G3BP2: variants seen among roughly 807,000 people sequenced by gnomAD.
G3BP2 encodes the protein G3BP stress granule assembly factor 2, also known as ras GTPase-activating protein-binding protein 2.
Under a neutral mutation model 56.7 loss-of-function variants are expected in G3BP2, and 11 were observed. The observed-to-expected ratio is 0.19, with a 90% CI of 0.12 to 0.32. G3BP2 has a LOEUF of 0.32. G3BP2 is among the 10% of genes least tolerant of loss of function. G3BP2 has a pLI of 1.00. For missense variants in G3BP2, 340 were observed against 610.9 expected (o/e 0.56, Z 4.67); for synonymous variants, 165 against 191.6 (o/e 0.86, Z 1.15).
chr4:75,673,631 T>A, upstream of G3BP2: 1 of 1,230,286 alleles, frequency 8.1e-7, no homozygotes, highest in African/African-American at 1.6e-5. Context: ...AAGATAAGAG[T>A]CCGCTGATTT....
At chr4:75,705,119 C>A (rs1180206922) in intron 3 of G3BP2, among the ~76,000 whole-genome samples, 2 of 152,138 alleles carry the variant, frequency 1.3e-5, no homozygotes, top group Non-Finnish European at 2.9e-5. Flanking sequence ...ATATTGGACA[C>A]CCCTGATCTA....
At chr4:75,649,933 C>T (rs1488353767) in intron 8 of G3BP2, among the ~76,000 whole-genome samples, 3 of 151,898 alleles carry the variant, frequency 2.0e-5, no homozygotes, top group South Asian at 4.2e-4. Flanking sequence ...ATCGCTTGAA[C>T]CCGGAAGACG....
intron 8 of G3BP2, among the ~76,000 whole-genome samples, chr4:75,651,921 C>T (rs1000479255): frequency 6.6e-6 from 1 of 152,156 alleles, no homozygotes; most frequent in South Asian, 2.1e-4. Flanking sequence ...AAGTTAATGC[C>T]TACCAATACC....
At chr4:75,691,269 C>T (rs1187165116) in intron 3 of G3BP2, among the ~76,000 whole-genome samples, 1 of 151,888 alleles carries the variant, frequency 6.6e-6, no homozygotes, top group African/African-American at 2.4e-5. Flanking sequence ...TAGTAGAGAC[C>T]GCATTTTGCC....
intron 2 of G3BP2, chr4:75,661,483 T>TTG (rs1553935529): frequency 6.6e-6 from 1 of 151,830 alleles, no homozygotes; most frequent in Non-Finnish European, 1.5e-5. Context: ...AGTTTGTTTT[T>TTG]TTTTTTTTTT....
At chr4:75,709,710 T>C (rs1018312156) in intron 3 of G3BP2, among the ~76,000 whole-genome samples, 1 of 152,046 alleles carries the variant, frequency 6.6e-6, no homozygotes, top group African/African-American at 2.4e-5. Flanking sequence ...GTTTCAGAGA[T>C]GGGGTTAGGG....
intron 3 of G3BP2, among the ~76,000 whole-genome samples, chr4:75,707,388 G>C (rs1719589392): frequency 6.6e-6 from 1 of 151,866 alleles, no homozygotes; most frequent in African/African-American, 2.4e-5. Context: ...TTGGGAGGCC[G>C]AGGTGGGCGG....
rs1204328515 is a variant in G3BP2, at chr4:75,643,286, A to T, written c.*2144T>A. The T allele has an allele frequency of 2.3e-5, 2 of 85,854 alleles. No homozygotes were observed. Among genetic ancestry groups the T allele is most frequent in the African/African-American group, 9.8e-5 (2 of 20,492 alleles). The allele number at this position is 85,854 out of a possible 1,614,324, so 5.3% of individuals were successfully genotyped here. A position where few individuals can be genotyped will look rare whatever the true frequency, so the allele number is the denominator to read the frequency against. On this transcript the variant is annotated 3_prime_UTR_variant, in exon 12 of 12. Coordinates refer to ENST00000359707, the MANE Select transcript of G3BP2 (RefSeq NM_203505.3). ...TCATGGATGGCAGGGCAATATCCTG[A>T]ATTGGAAATTATATATATATATATA...
chr4:75,673,380 G>GGCGCTGCGACGTGCGACAA lies in G3BP2; in HGVS notation c.-216_-198dup. 8.1e-7 allele frequency: 1 copy of GGCGCTGCGACGTGCGACAA among 1,232,096 alleles called. No individual in the cohort carries two copies. Among genetic ancestry groups the GGCGCTGCGACGTGCGACAA allele is most frequent in the Middle Eastern group, 3.1e-4 (1 of 3,210 alleles). The allele number at this position is 1,232,096 out of a possible 1,614,324, so 76.3% of individuals were successfully genotyped here. A position where few individuals can be genotyped will look rare whatever the true frequency, so the allele number is the denominator to read the frequency against. Reference sequence around the variant, plus strand: ...CACAACCACCTCTTCCCGGGCGCCAGGCGCTGCGACGTGCGACAAGGACCA... The same window carrying GGCGCTGCGACGTGCGACAA: ...CACAACCACCTCTTCCCGGGCGCCAGGCGCTGCGACGTGCGACAAGCGCTGCGACGTGCGACAAGGACCA... On this transcript the variant is annotated 5_prime_UTR_variant, in exon 1 of 12. Coordinates refer to ENST00000359707, the MANE Select transcript of G3BP2 (RefSeq NM_203505.3).
intron 9 of G3BP2, 98 bp from the exon 10 acceptor site, chr4:75,647,255 T>G: frequency 3.8e-6 from 3 of 795,646 alleles, no homozygotes; most frequent in Non-Finnish European, 5.8e-6. Context: ...ATATTCCTGT[T>G]TTAGTTTAAT....
At position 75,642,841 on chromosome 4, in the gene G3BP2, A is replaced by C. The variant is rs1730947275; in HGVS notation, c.*2589T>G. Reference sequence around the variant, plus strand: ...TTAGTCCAAACACATTCAATATGGAAACTCAAAGAATACTTTCCACCTGAA... The same window carrying C: ...TTAGTCCAAACACATTCAATATGGACACTCAAAGAATACTTTCCACCTGAA... On this transcript the variant is annotated 3_prime_UTR_variant, in exon 12 of 12. Transcript: ENST00000359707. 1 of 152,592 alleles carries C rather than the reference A, an allele frequency of 6.6e-6. No homozygotes were observed. Among genetic ancestry groups the C allele is most frequent in the South Asian group, 2.1e-4 (1 of 4,832 alleles). The allele number at this position is 152,592 out of a possible 1,614,324, so 9.5% of individuals were successfully genotyped here.
At chr4:75,705,275 T>G (rs1255762268) in intron 3 of G3BP2, among the ~76,000 whole-genome samples, 1 of 152,176 alleles carries the variant, frequency 6.6e-6, no homozygotes, top group Non-Finnish European at 1.5e-5. Flanking sequence ...CAAAACAGAA[T>G]GCCCACAAAA....
At position 75,654,232 on chromosome 4, in the gene G3BP2, A is replaced by G. The variant is rs116764172; in HGVS notation, c.727-151T>C. ...AAAGAAAGGCACACACACACATGCC[A>G]GTCTATGTGCCAGCTTTCAAAATCT... On this transcript the variant is annotated intron_variant, in intron 7 of 11. Transcript: ENST00000359707. The G allele has an allele frequency of 2.0e-3, 1,007 of 510,634 alleles. 14 individuals carry two copies. The highest frequency in any genetic ancestry group is 0.018 in the African/African-American group (927 of 52,276). 31.6% of individuals were successfully genotyped at this position (510,634 alleles called of 1,614,324 possible).
chr4:75,720,969 T>G (rs1219338382), exon 3 of G3BP2, among the ~76,000 whole-genome samples: 1 of 95,198 alleles, frequency 1.1e-5, no homozygotes, highest in Non-Finnish European at 1.9e-5. Context: ...AGACTTCATC[T>G]CTACAAAAAA....
intron 3 of G3BP2, among the ~76,000 whole-genome samples, chr4:75,689,971 T>C (rs1718782867): frequency 6.6e-6 from 1 of 152,230 alleles, no homozygotes; most frequent in South Asian, 2.1e-4. Flanking sequence ...TTTGGTATCC[T>C]GATCTGTGTG....
At chr4:75,679,628 G>A (rs1008453844) in intron 3 of G3BP2, among the ~76,000 whole-genome samples, 1 of 152,184 alleles carries the variant, frequency 6.6e-6, no homozygotes, top group East Asian at 1.9e-4. Context: ...AAGTAGGTGA[G>A]ATTCTACATG....
chr4:75,688,180 T>A (rs1412756156), intron 3 of G3BP2, among the ~76,000 whole-genome samples: 6 of 150,690 alleles, frequency 4.0e-5, no homozygotes, highest in African/African-American at 1.5e-4. Context: ...TTTTTTTTTT[T>A]AATAGAGAAC....
At chr4:75,717,684 T>C (rs1261983333) in intron 3 of G3BP2, among the ~76,000 whole-genome samples, 1 of 152,174 alleles carries the variant, frequency 6.6e-6, no homozygotes, top group Non-Finnish European at 1.5e-5. Context: ...AATGGGACAG[T>C]AAAGACTGCA....
At chr4:75,657,221 AC>A (rs1411158220) in intron 4 of G3BP2, among the ~76,000 whole-genome samples, 1 of 152,240 alleles carries the variant, frequency 6.6e-6, no homozygotes, top group African/African-American at 2.4e-5. Flanking sequence ...TTACTTTTGC[AC>A]CAACCTAGTA....
Sources: allele counts gnomAD v4.1 joint callset (sites outside exome capture counted in the v4.1 genomes callset), GRCh38; gene constraint gnomAD v4.1.1; transcripts MANE v1.5; gene names NCBI Gene and HGNC (gene_info 2026-07-23, HGNC 2026-07-21).